ARID4B: variants seen among roughly 807,000 people sequenced by gnomAD.
ARID4B encodes the protein AT-rich interactive domain-containing protein 4B.
Under a neutral mutation model 147.5 loss-of-function variants are expected in ARID4B, and 26 were observed. That is an observed-to-expected ratio of 0.18 (90% CI 0.13 to 0.24). The LOEUF (loss-of-function observed/expected upper bound fraction) is 0.24. Ranked by LOEUF, ARID4B falls within the 10% of genes least tolerant of loss-of-function variation. ARID4B has a pLI of 1.00. For missense variants in ARID4B, 1,179 were observed against 1,511.5 expected, an observed-to-expected ratio of 0.78 and a Z score of 3.65; for synonymous variants, 512 against 507.9, an observed-to-expected ratio of 1.01 and a Z score of -0.11.
At chr1:235,279,165 T>C (rs967124487) in intron 2 of ARID4B, among the ~76,000 whole-genome samples, 2 of 152,068 alleles carry the variant, frequency 1.3e-5, no homozygotes, top group African/African-American at 4.8e-5. Context: ...GAAACAGCAT[T>C]TTGTGTCTTA....
intron 8 of ARID4B, among the ~76,000 whole-genome samples, chr1:235,236,858 ATATATTTT>A (rs1391203700): frequency 7.6e-5 from 2 of 26,368 alleles, no homozygotes; most frequent in African/African-American, 1.1e-4. Context: ...ATATATATAT[ATATATTTT>A]TTTTTTTTTT....
At chr1:235,229,114 AAT>A in intron 11 of ARID4B, 115 bp downstream of exon 11, 1 of 1,191,268 alleles carries the variant, frequency 8.4e-7, no homozygotes. Context: ...AAGATTATGA[AAT>A]ATTTCTCATA....
intron 2 of ARID4B, among the ~76,000 whole-genome samples, chr1:235,286,207 G>A (rs570744858): frequency 3.3e-5 from 5 of 152,200 alleles, no homozygotes; most frequent in African/African-American, 1.2e-4. Context: ...GCTAATTTTT[G>A]ATAATTTGTA....
In ARID4B at chr1:235,172,744, T is replaced by C; in HGVS notation, c.3685A>G (p.Ser1229Gly). The change falls in exon 23 of 24, where the codon AGT becomes GGT. Residue 1229 changes from serine (S) to glycine (G), a missense_variant. Around this residue, in one of 10 missense-constraint regions of ARID4B, gnomAD observed 357 missense variants for 427.3 expected, o/e 0.84. Transcript: ENST00000264183. Reference sequence around the variant, plus strand: ...TGAAGAATTGTGATGCGTTCGGCACTTGTCATATTTTCCAGGTCCGCTATA... The same window carrying C: ...TGAAGAATTGTGATGCGTTCGGCACCTGTCATATTTTCCAGGTCCGCTATA... ...FQMSDLENMT[S>G]AERITILQEK... 2 of 1,560,050 alleles carry C rather than the reference T, an allele frequency of 1.3e-6. No homozygotes were observed. The highest frequency in any genetic ancestry group is 2.5e-5 in the South Asian group (2 of 80,612).
intron 22 of ARID4B, among the ~76,000 whole-genome samples, chr1:235,173,281 T>C (rs1463506797): frequency 6.6e-6 from 1 of 151,966 alleles, no homozygotes. Context: ...AAGGTGGAGG[T>C]TGGAGTGAGC....
At chr1:235,205,680 C>T (rs139261189) in intron 17 of ARID4B, among the ~76,000 whole-genome samples, 1 of 152,170 alleles carries the variant, frequency 6.6e-6, no homozygotes, top group East Asian at 1.9e-4. Flanking sequence ...TCAACAACAA[C>T]AAAACAACTG....
chr1:235,256,481 C>T (rs577789970), intron 4 of ARID4B, among the ~76,000 whole-genome samples: 1 of 152,254 alleles, frequency 6.6e-6, no homozygotes, highest in South Asian at 2.1e-4. Flanking sequence ...AGCCAAAGAG[C>T]ACATAGTGGT....
Position 235,260,724 on chromosome 1 carries a change from A to G in ARID4B, c.35T>C (p.Val12Ala). The G allele has an allele frequency of 6.2e-7, 1 of 1,610,638 alleles. No individual in the cohort carries two copies. Among genetic ancestry groups the G allele is most frequent in the Non-Finnish European group, 8.5e-7 (1 of 1,179,130 alleles). Reference sequence around the variant, plus strand: ...GTATTTAGCACTCACATCAGTGCCCACTGTCAAATAGGGAGGCTCATCAAG... The same window carrying G: ...GTATTTAGCACTCACATCAGTGCCCGCTGTCAAATAGGGAGGCTCATCAAG... ...KALDEPPYLT[V>A]GTDVSAKYRG... Residue 12 changes from valine to alanine, a missense_variant, in exon 3 of 24, where the codon GTG (valine) becomes GCG (alanine). Val to Ala is a moderately conservative substitution (Grantham distance 64, BLOSUM62 0). Transcript: ENST00000264183.
chr1:235,179,525 C>CAAAAAAAAAAAAAAAAA (rs61143006), intron 20 of ARID4B, among the ~76,000 whole-genome samples: 1 of 48,360 alleles, frequency 2.1e-5, no homozygotes, highest in African/African-American at 5.7e-5. Flanking sequence ...CTCTATGTCT[C>CAAAAAAAAAAAAAAAAA]AAAAAAAAAA....
Position 235,189,126 on chromosome 1 carries a change from C to T in ARID4B, c.2125+4887G>A, listed in dbSNP as rs1177065562. ...TAAAAATATTCATTGAAAGGCTGGG[C>T]GCAGTGGCTCACGCCTATAATCCCA... is the stretch of plus-strand genomic sequence containing the variant. On this transcript the variant is annotated intron_variant, in intron 19 of 23. Transcript: ENST00000264183. 5.3e-5 allele frequency among the ~76,000 whole-genome samples: 8 copies of T among 152,178 alleles called. No individual in the cohort carries two copies. In the South Asian group the frequency reaches 1.2e-3, roughly 24 times the overall value.
intron 2 of ARID4B, among the ~76,000 whole-genome samples, chr1:235,325,382 C>T (rs1260517098): frequency 2.0e-5 from 3 of 149,992 alleles, no homozygotes; most frequent in African/African-American, 4.9e-5. Context: ...AAAAAGGAAA[C>T]GAAAGGAAGA....
At chr1:235,321,885 G>A (rs563934385) in intron 2 of ARID4B, among the ~76,000 whole-genome samples, 9 of 151,558 alleles carry the variant, frequency 5.9e-5, no homozygotes, top group African/African-American at 2.2e-4. Flanking sequence ...TTTTCCACTT[G>A]GACTTCTTAC....
intron 19 of ARID4B, among the ~76,000 whole-genome samples, chr1:235,187,409 G>T (rs369346222): frequency 9.2e-4 from 140 of 152,230 alleles, no homozygotes; most frequent in African/African-American, 3.2e-3. Context: ...GATACTGTAG[G>T]TTCTCTGAGA....
At chr1:235,174,711 T>C (rs902285654) in intron 22 of ARID4B, among the ~76,000 whole-genome samples, 7 of 150,452 alleles carry the variant, frequency 4.7e-5, no homozygotes, top group African/African-American at 1.5e-4. Flanking sequence ...ACTCGGGAGG[T>C]TGAGGCAGGA....
At chr1:235,325,189 CT>C (rs1398642531) in intron 2 of ARID4B, among the ~76,000 whole-genome samples, 1 of 151,996 alleles carries the variant, frequency 6.6e-6, no homozygotes, top group Admixed American at 6.6e-5. Context: ...ATTTTAGTAA[CT>C]TTTTCCTTTT....
rs111885881 is a variant in ARID4B at position 235,273,243 on chromosome 1, C to T, written c.7-12491G>A. Among the ~76,000 whole-genome samples, 211 of 152,274 alleles carry T rather than the reference C, an allele frequency of 1.4e-3. 1 individual carries two copies. Among genetic ancestry groups the T allele is most frequent in the African/African-American group, 5.0e-3 (209 of 41,552 alleles). On this transcript the variant is annotated intron_variant, in intron 2 of 23. Coordinates refer to ENST00000264183, the MANE Select transcript of ARID4B (RefSeq NM_016374.6). ...TATTTTTATAGAGACGAGTTTTCAC[C>T]ATGTTGGCCAGGCTGGTCTCGAACT... is the stretch of plus-strand genomic sequence containing the variant.
chr1:235,224,472 T>C (rs2103033452), intron 12 of ARID4B, among the ~76,000 whole-genome samples: 1 of 152,300 alleles, frequency 6.6e-6, no homozygotes, highest in Admixed American at 6.5e-5. Context: ...GACAGGGTAA[T>C]AAGTGCATTT....
chr1:235,300,982 T>G (rs1673086731), intron 2 of ARID4B, among the ~76,000 whole-genome samples: 1 of 151,740 alleles, frequency 6.6e-6, no homozygotes, highest in Admixed American at 6.6e-5. Context: ...CCCAGAGTGC[T>G]GGGATTATAG....
chr1:235,257,376 A>T, intron 3 of ARID4B, 151 bp from the exon 4 acceptor site: 1 of 558,878 alleles, frequency 1.8e-6, no homozygotes, highest in Non-Finnish European at 3.2e-6. Flanking sequence ...TTAACTAAAA[A>T]ATTATTTACA....
Sources: allele counts gnomAD v4.1 joint callset (sites outside exome capture counted in the v4.1 genomes callset), GRCh38; gene constraint gnomAD v4.1.1; regional missense constraint gnomAD v4.1.1; transcripts MANE v1.5; gene names NCBI Gene and HGNC (gene_info 2026-07-23, HGNC 2026-07-21).